VAV2: variants seen among roughly 807,000 people sequenced by gnomAD.
VAV2 encodes guanine nucleotide exchange factor VAV2.
In VAV2, 67 loss-of-function variants were observed where a neutral mutation model predicts 132.5. The ratio of observed to expected loss-of-function variants is 0.51; its 90% CI spans 0.42 to 0.62. The LOEUF is 0.62. Among genes scored for constraint, VAV2 ranks in the 20% least tolerant of loss-of-function variants. VAV2 has a pLI of 0.00. For synonymous variants in VAV2, 492 were observed against 443.5 expected, an observed-to-expected ratio of 1.11 and a Z score of -1.37; for missense variants, 938 against 1,153.6, an observed-to-expected ratio of 0.81 and a Z score of 2.71.
chr9:133,985,939 G>A (rs1459370950), intron 1 of VAV2, among the ~76,000 whole-genome samples: 2 of 152,132 alleles, frequency 1.3e-5, no homozygotes, highest in Non-Finnish European at 2.9e-5. Flanking sequence ...GGGACAGAAT[G>A]AGGGAGGGAG....
chr9:133,772,429 T>C (rs1229117855), intron 25 of VAV2, among the ~76,000 whole-genome samples: 2 of 152,160 alleles, frequency 1.3e-5, no homozygotes, highest in East Asian at 1.9e-4. Context: ...CTTCCCTGCA[T>C]GTCCACTTGG....
At chr9:133,786,186 G>T (rs1354110510) in intron 16 of VAV2, among the ~76,000 whole-genome samples, 2 of 152,200 alleles carry the variant, frequency 1.3e-5, no homozygotes, top group Admixed American at 1.3e-4. Context: ...TGCGTGCATG[G>T]GTGTGCATCT....
Position 133,772,008 on chromosome 9 carries a change from T to C in VAV2, c.2174A>G (p.Lys725Arg), listed in dbSNP as rs765866512. 1 of 1,524,074 alleles carries C rather than the reference T, an allele frequency of 6.6e-7. No homozygotes were observed. The highest frequency in any genetic ancestry group is 2.2e-5 in the East Asian group (1 of 44,558). 94.4% of individuals were successfully genotyped at this position (1,524,074 alleles called of 1,614,324 possible). A position where few individuals can be genotyped will look rare whatever the true frequency, so the allele number is the denominator to read the frequency against. Residue 725 changes from lysine (K) to arginine (R), a missense_variant, in exon 26 of 30, where the codon AAG (lysine) becomes AGG (arginine). Transcript: ENST00000371850. ...CTCTGTGATGTGGATCCAGTTGTCC[T>C]TCTCCACCACCTTGATGTGCTTCAC... is the stretch of plus-strand genomic sequence containing the variant. ...DEVKHIKVVE[K>R]DNWIHITEAK...
rs1833522776 is a variant in VAV2 at position 133,768,841 on chromosome 9, C to T, written c.2435-245G>A. On this transcript the variant is annotated intron_variant, in intron 28 of 29. Transcript: ENST00000371850. This position sits in a 1 kb window ranked among gnomAD's most constrained non-coding sequence, Gnocchi z 5.3. ...CCTGCAATGAGGATGTTCTTAGGGA[C>T]AAGAGCAGGTGCCCAGGCTTTGACC... Among the ~76,000 whole-genome samples the T allele has an allele frequency of 6.6e-6, 1 of 152,180 alleles. No homozygotes were observed.
chr9:133,885,588 G>C lies in VAV2; in HGVS notation c.322-24156C>G, dbSNP rs568509883. Among the ~76,000 whole-genome samples the C allele has an allele frequency of 1.3e-5, 2 of 152,312 alleles. No individual in the cohort carries two copies. The highest frequency in any genetic ancestry group is 3.9e-4 in the East Asian group (2 of 5,180). On this transcript the variant is annotated intron_variant, in intron 2 of 29. Coordinates refer to ENST00000371850, the MANE Select transcript of VAV2 (RefSeq NM_001134398.2). This position sits in a 1 kb window ranked among gnomAD's most constrained non-coding sequence, Gnocchi z 5.0. ...ACAAGCAAGGTGCTCAGGCCGCAGG[G>C]GAGACGTGACCCCAGGGCGGACCCC... is the stretch of plus-strand genomic sequence containing the variant.
rs1834985951 is a variant in VAV2, at chr9:133,802,790, G to A, written c.836+3291C>T. ...CCACACAGCCCCAACCTCTCAAGAT[G>A]CCCAGGGACAGGCCAGCGTGGATTG... On this transcript the variant is annotated intron_variant, in intron 9 of 29. Coordinates refer to ENST00000371850, the MANE Select transcript of VAV2 (RefSeq NM_001134398.2). The surrounding 1 kb of genome is among the most constrained non-coding windows in gnomAD (Gnocchi z 5.8). Among the ~76,000 whole-genome samples the A allele has an allele frequency of 6.6e-6, 1 of 152,160 alleles. No individual in the cohort carries two copies. Among genetic ancestry groups the A allele is most frequent in the African/African-American group, 2.4e-5 (1 of 41,430 alleles).
chr9:133,967,011 G>A (rs1191227019), intron 1 of VAV2, among the ~76,000 whole-genome samples: 2 of 144,984 alleles, frequency 1.4e-5, no homozygotes, highest in African/African-American at 5.1e-5. Flanking sequence ...CTCCAGCCTA[G>A]GTGACTGAGC....
intron 2 of VAV2, among the ~76,000 whole-genome samples, chr9:133,871,782 A>G (rs1838065734): frequency 6.6e-6 from 1 of 152,276 alleles, no homozygotes; most frequent in Non-Finnish European, 1.5e-5. Flanking sequence ...CCAAGGTCTC[A>G]TTGCTGTGGG....
In VAV2 at chr9:133,769,047, C is replaced by T. The variant is rs1390957241; in HGVS notation, c.2434+370G>A. On this transcript the variant is annotated intron_variant, in intron 28 of 29. Transcript: ENST00000371850. The surrounding 1 kb of genome is among the most constrained non-coding windows in gnomAD (Gnocchi z 8.1). ...CCATGAGGTCAAGGCTGACTGAAAA[C>T]CCCTCCTCCCTGCACCCAAGTCCCA... 1.3e-5 allele frequency among the ~76,000 whole-genome samples: 2 copies of T among 152,240 alleles called. No individual in the cohort carries two copies. The highest frequency in any genetic ancestry group is 2.4e-5 in the African/African-American group (1 of 41,462).
At chr9:133,870,784 T>A (rs1837995404) in intron 2 of VAV2, among the ~76,000 whole-genome samples, 1 of 122,774 alleles carries the variant, frequency 8.1e-6, no homozygotes, top group Non-Finnish European at 1.7e-5. Context: ...TAAGTGGGTA[T>A]GTGGGTGGAT....
chr9:133,921,038 C>T (rs1161723051), intron 2 of VAV2, among the ~76,000 whole-genome samples: 4 of 152,220 alleles, frequency 2.6e-5, no homozygotes, highest in Non-Finnish European at 1.5e-5. Context: ...AAACCAATTA[C>T]TTAATAAATG....
chr9:133,774,862 G>T, intron 25 of VAV2, 73 bp downstream of exon 25: 2 of 1,358,176 alleles, frequency 1.5e-6, no homozygotes, highest in Non-Finnish European at 2.1e-6. Context: ...CTCAGGACGT[G>T]GAGAGGATGG....
chr9:133,913,926 A>G (rs1839968007), intron 2 of VAV2, among the ~76,000 whole-genome samples: 1 of 151,850 alleles, frequency 6.6e-6, no homozygotes, highest in Non-Finnish European at 1.5e-5. Flanking sequence ...GTCCTCAGCC[A>G]CTCCCCCAGA....
intron 1 of VAV2, among the ~76,000 whole-genome samples, chr9:133,959,194 C>T (rs1336327678): frequency 6.6e-6 from 1 of 152,210 alleles, no homozygotes; most frequent in Non-Finnish European, 1.5e-5. Flanking sequence ...CAGTCCTCAA[C>T]CCCAGGCTGC....
At position 133,826,809 on chromosome 9, in the gene VAV2, A is replaced by G. The variant is rs1564383503; in HGVS notation, c.449+7463T>C. 6.6e-6 allele frequency among the ~76,000 whole-genome samples: 1 copy of G among 152,030 alleles called. No homozygotes were observed. Among genetic ancestry groups the G allele is most frequent in the African/African-American group, 2.4e-5 (1 of 41,370 alleles). ...ACCTCTGACCTGCCGGCACCACGGG[A>G]GGGAGGGCAGAGGCAGGCGGCCTGG... On this transcript the variant is annotated intron_variant, in intron 4 of 29. Transcript: ENST00000371850. The surrounding 1 kb of genome is among the most constrained non-coding windows in gnomAD (Gnocchi z 4.2).
intron 1 of VAV2, among the ~76,000 whole-genome samples, chr9:133,946,583 C>T (rs944815996): frequency 6.6e-6 from 1 of 152,246 alleles, no homozygotes; most frequent in African/African-American, 2.4e-5. Flanking sequence ...ACTAACACTG[C>T]GCTTAGCAGA....
At chr9:133,871,437 GATT>G (rs1229988270) in intron 2 of VAV2, among the ~76,000 whole-genome samples, 7 of 146,254 alleles carry the variant, frequency 4.8e-5, no homozygotes, top group African/African-American at 1.3e-4. Context: ...TGGATGGATT[GATT>G]GATGGATGGA....
chr9:133,952,695 C>T lies in VAV2; in HGVS notation c.205-13476G>A, dbSNP rs538889966. ...ATCCAAGTGTCCCTAGAAGAGAAGA[C>T]AGAAGACAAGAGGCCGTGTGACGAC... On this transcript the variant is annotated intron_variant, in intron 1 of 29. Transcript: ENST00000371850. Among the ~76,000 whole-genome samples, 6 of 152,230 alleles carry T rather than the reference C, an allele frequency of 3.9e-5. No individual in the cohort carries two copies. In the South Asian group the frequency reaches 1.2e-3, roughly 32 times the overall value.
intron 2 of VAV2, among the ~76,000 whole-genome samples, chr9:133,889,646 C>A (rs1455151789): frequency 1.3e-5 from 2 of 152,188 alleles, no homozygotes; most frequent in Non-Finnish European, 1.5e-5. Flanking sequence ...CCAGCCGGCC[C>A]GTCAGCACCT....
Sources: allele counts gnomAD v4.1 joint callset (sites outside exome capture counted in the v4.1 genomes callset), GRCh38; gene constraint gnomAD v4.1.1; non-coding constraint Gnocchi (gnomAD v3.1); transcripts MANE v1.5; gene names NCBI Gene and HGNC (gene_info 2026-07-23, HGNC 2026-07-21).